The following MAPKAP1 variants were observed in gnomAD, a reference collection of about 807,000 sequenced individuals.
MAPKAP1 encodes target of rapamycin complex 2 subunit MAPKAP1.
In MAPKAP1, 20 loss-of-function variants were observed where a neutral mutation model predicts 65.7. The ratio of observed to expected loss-of-function variants is 0.30; its 90% CI spans 0.21 to 0.44. The LOEUF (loss-of-function observed/expected upper bound fraction) is 0.44, where lower values mean the gene tolerates loss of function less well. MAPKAP1 is among the 20% of genes least tolerant of loss of function. The pLI is 1.00. For missense variants in MAPKAP1, 423 were observed against 648.0 expected (o/e 0.65, Z 3.77); for synonymous variants, 222 against 244.3 (o/e 0.91, Z 0.85).
Position 125,438,417 on chromosome 9 carries a change from A to G in MAPKAP1, c.*470T>C, listed in dbSNP as rs1317590710. ...TTCAATATGGGAACAGATTTTAAAG[A>G]GAGTAACATAATCAATCCTCCGCCC... On this transcript the variant is annotated 3_prime_UTR_variant, in exon 12 of 12. Transcript: ENST00000265960. The G allele has an allele frequency of 2.8e-5, 11 of 399,238 alleles. No individual in the cohort carries two copies. The highest frequency in any genetic ancestry group is 4.9e-5 in the Non-Finnish European group (11 of 226,292). 24.7% of individuals were successfully genotyped at this position (399,238 alleles called of 1,614,324 possible). A position where few individuals can be genotyped will look rare whatever the true frequency, so the allele number is the denominator to read the frequency against.
intron 4 of MAPKAP1, among the ~76,000 whole-genome samples, chr9:125,610,068 C>T (rs552298528): frequency 6.6e-6 from 1 of 152,336 alleles, no homozygotes; most frequent in African/African-American, 2.4e-5. Context: ...CTTCCCAAAA[C>T]CAATATATTT....
At chr9:125,464,406 T>C (rs997585792) in intron 10 of MAPKAP1, among the ~76,000 whole-genome samples, 2 of 152,132 alleles carry the variant, frequency 1.3e-5, no homozygotes, top group African/African-American at 2.4e-5. Context: ...TCTTTCAAAA[T>C]AGCAAAATCT....
chr9:125,515,443 CAGAGACGAGAA>C (rs1435266225), intron 7 of MAPKAP1, among the ~76,000 whole-genome samples: 2 of 152,178 alleles, frequency 1.3e-5, no homozygotes, highest in East Asian at 1.9e-4. Context: ...TGCTGACAAG[CAGAGACGAGAA>C]AGATAAGATT....
At chr9:125,470,443 T>C (rs991374974) in intron 9 of MAPKAP1, among the ~76,000 whole-genome samples, 2 of 152,198 alleles carry the variant, frequency 1.3e-5, no homozygotes, top group Non-Finnish European at 2.9e-5. Flanking sequence ...ATTGCATCAA[T>C]CTTTTCAACA....
chr9:125,458,925 C>A (rs1298714310), intron 10 of MAPKAP1, among the ~76,000 whole-genome samples: 1 of 56,224 alleles, frequency 1.8e-5, no homozygotes, highest in African/African-American at 8.0e-5. Context: ...GACCCCCCCA[C>A]CTCCCTCCCG....
At chr9:125,689,436 GAAAAAAAA>G (rs911746619) in intron 1 of MAPKAP1, among the ~76,000 whole-genome samples, 1 of 15,264 alleles carries the variant, frequency 6.6e-5, no homozygotes, top group African/African-American at 2.1e-4. Flanking sequence ...CTCCATCTCG[GAAAAAAAA>G]AAAAAAAAAA....
chr9:125,441,615 C>T (rs1322847611), intron 11 of MAPKAP1, among the ~76,000 whole-genome samples: 1 of 152,122 alleles, frequency 6.6e-6, no homozygotes, highest in Non-Finnish European at 1.5e-5. Context: ...TCCATCTAAG[C>T]TCTCATTTTA....
intron 4 of MAPKAP1, among the ~76,000 whole-genome samples, chr9:125,620,371 A>G (rs1832860879): frequency 6.6e-6 from 1 of 152,240 alleles, no homozygotes; most frequent in Non-Finnish European, 1.5e-5. Context: ...CTTCTGTGGC[A>G]AGGCTATGGA....
chr9:125,605,505 T>C (rs939195002), intron 4 of MAPKAP1, among the ~76,000 whole-genome samples: 18 of 152,216 alleles, frequency 1.2e-4, no homozygotes, highest in African/African-American at 4.3e-4. Flanking sequence ...GTTTCACAAA[T>C]CATCCCTCTA....
intron 7 of MAPKAP1, among the ~76,000 whole-genome samples, chr9:125,519,638 CATATATATGTCTTTTAT>C (rs1451238830): frequency 7.4e-6 from 1 of 134,796 alleles, no homozygotes; most frequent in African/African-American, 2.6e-5. Flanking sequence ...AATATATATA[CATATATATGTCTTTTAT>C]ATATATATAT....
intron 1 of MAPKAP1, among the ~76,000 whole-genome samples, chr9:125,693,818 TAC>T (rs201005835): frequency 0.06 from 8,119 of 134,546 alleles, 417 homozygotes; most frequent in Non-Finnish European, 0.086. Context: ...CACACACATA[TAC>T]ACACACACAC....
Position 125,444,591 on chromosome 9 carries a change from T to C in MAPKAP1, c.1353A>G (p.Ala451=). 1.2e-6 allele frequency: 2 copies of C among 1,612,198 alleles called. No individual in the cohort carries two copies. Among genetic ancestry groups the C allele is most frequent in the South Asian group, 1.1e-5 (1 of 90,920 alleles). The change falls in exon 11 of 12, where the codon GCA becomes GCG. Residue 451 remains alanine, a synonymous_variant. Transcript: ENST00000265960. The part of the protein sequence containing the change: ...DLAEEKSPSH[A]IFKLTYLSNH... ...TGCTTAGATACGTGAGTTTAAATAT[T>C]GCGTGACCTGCAGAGACAGAAAACT...
intron 8 of MAPKAP1, among the ~76,000 whole-genome samples, chr9:125,499,296 T>C (rs965029747): frequency 5.9e-5 from 9 of 152,374 alleles, no homozygotes; most frequent in African/African-American, 2.2e-4. Flanking sequence ...GGAATGTTTT[T>C]CTTTGCCTCA....
chr9:125,596,922 T>C (rs530761015), intron 4 of MAPKAP1, among the ~76,000 whole-genome samples: 2 of 140,058 alleles, frequency 1.4e-5, no homozygotes, highest in African/African-American at 2.7e-5. Flanking sequence ...TGTTGATTGC[T>C]AAATGTAACA....
In MAPKAP1 at chr9:125,438,463, C is replaced by A; in HGVS notation, c.*424G>T. 1 of 401,074 alleles carries A rather than the reference C, an allele frequency of 2.5e-6. No individual in the cohort carries two copies. 24.8% of individuals were successfully genotyped at this position (401,074 alleles called of 1,614,324 possible). On this transcript the variant is annotated 3_prime_UTR_variant, in exon 12 of 12. Transcript: ENST00000265960. ...CGCCCCAAAGAATGGTCCATCATAC[C>A]AACCATGATAAAGAGTACACCTGTT...
chr9:125,690,254 A>C (rs1473664388), intron 1 of MAPKAP1, among the ~76,000 whole-genome samples: 2 of 152,250 alleles, frequency 1.3e-5, no homozygotes, highest in African/African-American at 2.4e-5. Context: ...CAATTAAACC[A>C]TCTATAATCC....
intron 8 of MAPKAP1, among the ~76,000 whole-genome samples, chr9:125,488,369 T>G (rs1034315647): frequency 9.5e-6 from 1 of 104,966 alleles, no homozygotes; most frequent in African/African-American, 2.7e-5. Context: ...TTTCTTTCTT[T>G]CTCTCTCTCT....
intron 4 of MAPKAP1, among the ~76,000 whole-genome samples, chr9:125,625,958 TAAG>T (rs1833106602): frequency 6.6e-6 from 1 of 152,134 alleles, no homozygotes; most frequent in Non-Finnish European, 1.5e-5. Context: ...AGAAAGCACA[TAAG>T]AAAAAACTAC....
chr9:125,664,061 T>C (rs1195245595), intron 3 of MAPKAP1, among the ~76,000 whole-genome samples: 2 of 152,036 alleles, frequency 1.3e-5, no homozygotes, highest in African/African-American at 4.8e-5. Context: ...AAATAACAGA[T>C]TTCGGCCAGG....
Sources: gnomAD v4.1 joint callset for allele counts (sites outside exome capture counted in the v4.1 genomes callset) on GRCh38, gnomAD v4.1.1 for gene constraint, MANE v1.5 for transcripts, NCBI Gene and HGNC (gene_info 2026-07-23, HGNC 2026-07-21) for gene names.